The following RP1L1 variants were observed in gnomAD, a reference collection of about 807,000 sequenced individuals.
The protein encoded by RP1L1 is retinitis pigmentosa 1-like 1 protein.
Under a neutral mutation model 15.7 loss-of-function variants are expected in RP1L1, and 27 were observed. The observed-to-expected ratio is 1.72, with a 90% CI of 1.27 to 2.38. RP1L1 has a LOEUF of 2.38. Among genes scored for constraint, RP1L1 ranks in the 30% most tolerant of loss-of-function variants. The pLI, the probability that RP1L1 is intolerant of heterozygous loss-of-function variation, is 0.00. For missense variants in RP1L1, 4,798 were observed against 3,075.9 expected (o/e 1.56, Z -13.24); for synonymous variants, 1,813 against 1,276.7 (o/e 1.42, Z -8.96).
chr8:10,633,054 T>A (rs1798275866), intron 1 of RP1L1, among the ~76,000 whole-genome samples: 1 of 152,188 alleles, frequency 6.6e-6, no homozygotes, highest in African/African-American at 2.4e-5. Flanking sequence ...GGAAGAGACA[T>A]GGGCAGTGTC....
At position 10,607,100 on chromosome 8, in the gene RP1L1, G is replaced by T. The variant is rs1417503018; in HGVS notation, c.6998C>A (p.Thr2333Asn). Residue 2333 changes from threonine to asparagine, a missense_variant, in exon 4 of 4, where the codon ACC (threonine) becomes AAC (asparagine). Physicochemically the swap from Thr to Asn is moderately conservative, Grantham distance 65. Transcript: ENST00000382483. ...TRSPDAKSTG[T>N]PHAERKATRM... Reference sequence around the variant, plus strand: ...GGTGGCCTTCCTCTCTGCATGAGGGGTCCCCGTGGACTTGGCATCAGGGCT... The same window carrying T: ...GGTGGCCTTCCTCTCTGCATGAGGGTTCCCCGTGGACTTGGCATCAGGGCT... 1 of 1,614,086 alleles carries T rather than the reference G, an allele frequency of 6.2e-7. No homozygotes were observed. Among genetic ancestry groups the T allele is most frequent in the Non-Finnish European group, 8.5e-7 (1 of 1,180,046 alleles).
chr8:10,628,558 G>C (rs560538429), intron 1 of RP1L1, among the ~76,000 whole-genome samples: 1 of 152,326 alleles, frequency 6.6e-6, no homozygotes, highest in African/African-American at 2.4e-5. Flanking sequence ...AAAACAAGGA[G>C]AGGAGAAACA....
chr8:10,654,408 T>C (rs1798608118), intron 1 of RP1L1, among the ~76,000 whole-genome samples: 1 of 152,092 alleles, frequency 6.6e-6, no homozygotes, highest in Non-Finnish European at 1.5e-5. Flanking sequence ...TTGCCCTGGG[T>C]CTTCAGAGAT....
chr8:10,606,934 G>A lies in RP1L1; in HGVS notation c.7164C>T (p.Gly2388=). 1 of 1,614,202 alleles carries A rather than the reference G, an allele frequency of 6.2e-7. No individual in the cohort carries two copies. Among genetic ancestry groups the A allele is most frequent in the South Asian group, 1.1e-5 (1 of 91,082 alleles). Residue 2388 remains glycine, a synonymous_variant, in exon 4 of 4, where the codon GGC becomes GGT. Transcript: ENST00000382483. The stretch of plus-strand genomic sequence containing the variant: ...CATCTTGGCCAAAGCCGTCTGCCCT[G>A]CCCACTGCCTCAGTGGGGGCGAGAC... ...LGSLAPTEAV[G]RADGFGQDDL... is the part of the protein sequence containing the mutation.
At position 10,607,390 on chromosome 8, in the gene RP1L1, C is replaced by T; in HGVS notation, c.6708G>A (p.Glu2236=). 6.2e-7 allele frequency: 1 copy of T among 1,605,516 alleles called. No individual in the cohort carries two copies. ...EGVETPEAEG[E]AQPESEGETQ... is the part of the protein sequence containing the mutation. ...TTTCTCCTTCTGACTCTGGCTGGGC[C>T]TCCCCTTCAGCCTCCGGGGTCTCTA... The change falls in exon 4 of 4, where the codon GAG becomes GAA. Residue 2236 remains glutamate (E), a synonymous_variant. Coordinates refer to ENST00000382483, the MANE Select transcript of RP1L1 (RefSeq NM_178857.6).
rs774595369 is a variant in RP1L1, at chr8:10,609,591, T to A, written c.4507A>T (p.Ser1503Cys). 6.2e-7 allele frequency: 1 copy of A among 1,605,086 alleles called. No individual in the cohort carries two copies. The highest frequency in any genetic ancestry group is 1.1e-5 in the South Asian group (1 of 90,998). Residue 1503 changes from serine (S) to cysteine (C), a missense_variant, in exon 4 of 4, where the codon AGC becomes TGC. Transcript: ENST00000382483. Reference sequence around the variant, plus strand: ...GCCGCGCTGCAGGCCACCGAAGAGCTCCTCTCTGCAGCCCCCTGGGTGGGT... The same window carrying A: ...GCCGCGCTGCAGGCCACCGAAGAGCACCTCTCTGCAGCCCCCTGGGTGGGT... The part of the protein sequence containing the change: ...AQPTQGAAER[S>C]SSVACSAALD...
intron 1 of RP1L1, among the ~76,000 whole-genome samples, chr8:10,636,466 G>A (rs1798331322): frequency 6.6e-6 from 1 of 152,216 alleles, no homozygotes; most frequent in Admixed American, 6.5e-5. Context: ...CTGTGGGGCT[G>A]TAGTGGGATT....
intron 1 of RP1L1, among the ~76,000 whole-genome samples, chr8:10,653,041 G>C (rs967137266): frequency 6.6e-6 from 1 of 152,164 alleles, no homozygotes; most frequent in Non-Finnish European, 1.5e-5. Flanking sequence ...GTCCCTGTGT[G>C]GCTGGGTTGT....
chr8:10,619,205 T>C (rs1335922023), intron 2 of RP1L1, among the ~76,000 whole-genome samples: 1 of 152,202 alleles, frequency 6.6e-6, no homozygotes, highest in African/African-American at 2.4e-5. Flanking sequence ...CCAGCCCATT[T>C]CCTGAACTCC....
Position 10,610,725 on chromosome 8 carries a change from G to C in RP1L1, c.3373C>G (p.Leu1125Val), listed in dbSNP as rs774723570. The part of the protein sequence containing the change: ...AGALITCLAS[L>V]QLFEEDLGSP... ...CCAAGGTCTTCCTCAAATAACTGCAGACTGGCCAGACAAGTAATGAGGGCC... is the reference window on the plus strand; with the variant it reads ...CCAAGGTCTTCCTCAAATAACTGCACACTGGCCAGACAAGTAATGAGGGCC... The change falls in exon 4 of 4, where the codon CTG (leucine) becomes GTG (valine). Residue 1125 changes from leucine to valine, a missense_variant. Transcript: ENST00000382483. 1.4e-5 allele frequency: 22 copies of C among 1,613,450 alleles called. No individual in the cohort carries two copies. The highest frequency in any genetic ancestry group is 1.7e-5 in the Non-Finnish European group (20 of 1,180,042).
chr8:10,639,335 G>T (rs1457396446), intron 1 of RP1L1, among the ~76,000 whole-genome samples: 1 of 152,094 alleles, frequency 6.6e-6, no homozygotes, highest in Non-Finnish European at 1.5e-5. Flanking sequence ...TCCTCCGTGT[G>T]TTAACCTGTC....
chr8:10,617,399 C>CAAAAAAAAAA (rs369885056), intron 2 of RP1L1, among the ~76,000 whole-genome samples: 590 of 80,604 alleles, frequency 7.3e-3, no homozygotes, highest in Middle Eastern at 0.013. Flanking sequence ...TGCTCATTAA[C>CAAAAAAAAAA]AAAAAAAAAA....
intron 1 of RP1L1, among the ~76,000 whole-genome samples, chr8:10,625,870 C>T (rs1387102612): frequency 6.6e-6 from 1 of 151,906 alleles, no homozygotes; most frequent in Non-Finnish European, 1.5e-5. Context: ...CGATCAGAGC[C>T]AGGGGAGGCT....
At chr8:10,639,946 A>C (rs1798383767) in intron 1 of RP1L1, among the ~76,000 whole-genome samples, 1 of 152,204 alleles carries the variant, frequency 6.6e-6, no homozygotes, top group South Asian at 2.1e-4. Context: ...TTATTTATTA[A>C]ATACATTTTA....
chr8:10,650,206 T>C (rs765270160), intron 1 of RP1L1, among the ~76,000 whole-genome samples: 5 of 152,186 alleles, frequency 3.3e-5, no homozygotes, highest in African/African-American at 1.2e-4. Flanking sequence ...CCAGAGTCTC[T>C]ACTCATGAAG....
intron 2 of RP1L1, chr8:10,620,987 A>T (rs1270603291): frequency 6.6e-6 from 1 of 152,260 alleles, no homozygotes; most frequent in African/African-American, 2.4e-5. Flanking sequence ...TGGAGAGTGG[A>T]AAGAAGCTTT....
intron 1 of RP1L1, among the ~76,000 whole-genome samples, chr8:10,644,077 A>T (rs555758145): frequency 6.6e-6 from 1 of 152,118 alleles, no homozygotes; most frequent in East Asian, 1.9e-4. Context: ...TTGGGTTCCA[A>T]GAGCATCTGG....
At chr8:10,615,417 T>C (rs1797949619) in intron 3 of RP1L1, among the ~76,000 whole-genome samples, 1 of 152,212 alleles carries the variant, frequency 6.6e-6, no homozygotes, top group Non-Finnish European at 1.5e-5. Context: ...TGGTCATGGT[T>C]AGTTTTAGTC....
rs765332737 is a variant in RP1L1 at position 10,610,446 on chromosome 8, C to A, written c.3652G>T (p.Ala1218Ser). ...TGTGTCACCAGGGTGCCGTCCATGG[C>A]ACAGGGTACGCTACTCTCCCCTGAG... is the stretch of plus-strand genomic sequence containing the variant. Reference protein sequence around the residue: ...GGSGESSVPCAMDGTLVTQGT... With the variant: ...GGSGESSVPCSMDGTLVTQGT... Residue 1218 changes from alanine (A) to serine (S), a missense_variant, in exon 4 of 4, where the codon GCC becomes TCC. Physicochemically the swap from Ala to Ser is moderately conservative, Grantham distance 99. Coordinates refer to ENST00000382483, the MANE Select transcript of RP1L1 (RefSeq NM_178857.6). The A allele has an allele frequency of 6.2e-7, 1 of 1,613,850 alleles. No homozygotes were observed. Among genetic ancestry groups the A allele is most frequent in the South Asian group, 1.1e-5 (1 of 91,080 alleles).
Sources: gnomAD v4.1 joint callset for allele counts (sites outside exome capture counted in the v4.1 genomes callset) on GRCh38, gnomAD v4.1.1 for gene constraint, MANE v1.5 for transcripts, NCBI Gene and HGNC (gene_info 2026-07-23, HGNC 2026-07-21) for gene names.